GREB1: variants seen among roughly 807,000 people sequenced by gnomAD.
The protein encoded by GREB1 is protein GREB1.
GREB1 carries 106 observed loss-of-function variants against 200.7 expected under a neutral mutation model. That is an observed-to-expected ratio of 0.53 (90% confidence interval 0.45 to 0.62). The LOEUF (loss-of-function observed/expected upper bound fraction) is 0.62. GREB1 is among the 20% of genes least tolerant of loss of function. The pLI is 0.00. For missense variants in GREB1, 2,243 were observed against 2,556.8 expected, an observed-to-expected ratio of 0.88 and a Z score of 2.65; for synonymous variants, 1,132 against 1,092.4, an observed-to-expected ratio of 1.04 and a Z score of -0.72.
Position 11,631,070 on chromosome 2 carries a change from C to T in GREB1, c.4612-839C>T, listed in dbSNP as rs553427995. Among the ~76,000 whole-genome samples, 4 of 152,268 alleles carry T rather than the reference C, an allele frequency of 2.6e-5. No homozygotes were observed. The East Asian group carries it at 7.7e-4, about 29-fold the overall frequency. ...GGGGTTGGGTGTTGCGGTGAAATTCCAGGGGTGAAATATGAGAGCTGGGGT... is the reference window on the plus strand; with the variant it reads ...GGGGTTGGGTGTTGCGGTGAAATTCTAGGGGTGAAATATGAGAGCTGGGGT... On this transcript the variant is annotated intron_variant, in intron 26 of 32. Transcript: ENST00000381486.
At chr2:11,616,806 T>A (rs1169973548) in intron 21 of GREB1, 86 bp downstream of exon 21, 1 of 779,378 alleles carries the variant, frequency 1.3e-6, no homozygotes, top group Non-Finnish European at 2.3e-6. Context: ...AGAGGGCTAT[T>A]TGCTGATCCT....
At chr2:11,504,613 A>G (rs1673129992) in intron 1 of GREB1, among the ~76,000 whole-genome samples, 1 of 152,172 alleles carries the variant, frequency 6.6e-6, no homozygotes, top group African/African-American at 2.4e-5. Flanking sequence ...GACATTTTGC[A>G]TATTTGTGTG....
In GREB1 at chr2:11,490,424, A is replaced by G. The variant is rs116170926; in HGVS notation, c.-159+8043A>G. ...ATATGGCTGAATAATATTCCATTGT[A>G]TGGATATACCACATTTTATTATCCA... On this transcript the variant is annotated intron_variant, in intron 1 of 2. Coordinates refer to the GREB1 transcript ENST00000628795. Among the ~76,000 whole-genome samples the G allele has an allele frequency of 7.1e-3, 1,077 of 152,330 alleles. 5 individuals are homozygous for G. The highest frequency in any genetic ancestry group is 0.011 in the Non-Finnish European group (729 of 68,036).
intron 31 of GREB1, 103 bp downstream of exon 31, chr2:11,638,019 G>T (rs974050753): frequency 3.0e-6 from 3 of 987,150 alleles, no homozygotes; most frequent in Non-Finnish European, 3.1e-6. Context: ...CAACTCCTTC[G>T]TCTCGGGGTT....
chr2:11,630,118 T>C lies in GREB1; in HGVS notation c.4611+9T>C. ...CCCTCGTGACAGACAAGGTACTGGCTCAGAGACCTAGTGGGACAGATCCAA... is the reference window on the plus strand; with the variant it reads ...CCCTCGTGACAGACAAGGTACTGGCCCAGAGACCTAGTGGGACAGATCCAA... On this transcript the variant is annotated intron_variant, in intron 26 of 32. Transcript: ENST00000381486. The C allele has an allele frequency of 6.2e-7, 1 of 1,613,934 alleles. No individual in the cohort carries two copies.
intron 1 of GREB1, among the ~76,000 whole-genome samples, chr2:11,549,781 A>G (rs1370374170): frequency 6.6e-6 from 1 of 152,104 alleles, no homozygotes; most frequent in Non-Finnish European, 1.5e-5. Flanking sequence ...ACTGTGGCAG[A>G]TGTGTTTCCT....
rs141716208 is a variant in GREB1 at position 11,582,236 on chromosome 2, G to C, written c.901+1404G>C. Among the ~76,000 whole-genome samples the C allele has an allele frequency of 6.2e-4, 95 of 152,334 alleles. 1 individual carries two copies. The highest frequency in any genetic ancestry group is 2.2e-3 in the African/African-American group (93 of 41,590). ...TTCAGCCCGGGAACCTGGGAAGGTG[G>C]CCTTGGGAAGCCTTCTGTGTGGGAC... On this transcript the variant is annotated intron_variant, in intron 7 of 32. Transcript: ENST00000381486.
chr2:11,510,400 A>T (rs1439662280), intron 1 of GREB1, among the ~76,000 whole-genome samples: 1 of 152,208 alleles, frequency 6.6e-6, no homozygotes. Flanking sequence ...TTTAGCCACA[A>T]TTGCCAGTCA....
Position 11,598,666 on chromosome 2 carries a change from T to A in GREB1, c.2153-14T>A. On this transcript the variant is annotated splice_polypyrimidine_tract_variant and intron_variant, in intron 14 of 32. Coordinates refer to ENST00000381486, the MANE Select transcript of GREB1 (RefSeq NM_014668.4). ...CATGTTTGCAGTTACTGATGTATGT[T>A]CTTTGTGTTGCAGGGGTTTTGCTGG... 1 of 1,613,304 alleles carries A rather than the reference T, an allele frequency of 6.2e-7. No homozygotes were observed. The highest frequency in any genetic ancestry group is 1.3e-5 in the African/African-American group (1 of 75,028).
rs547221137 is a variant in GREB1, at chr2:11,598,891, C to A, written c.2333+31C>A. 5.1e-6 allele frequency: 8 copies of A among 1,575,018 alleles called. No homozygotes were observed. In the South Asian group the frequency reaches 8.9e-5, roughly 18 times the overall value. On this transcript the variant is annotated intron_variant, in intron 15 of 32. Transcript: ENST00000381486. ...ATTGACTTGATATATGACAAGTTGACATTTTCCTTCTTTGAAGTGATGTAT... is the reference window on the plus strand; with the variant it reads ...ATTGACTTGATATATGACAAGTTGAAATTTTCCTTCTTTGAAGTGATGTAT...
At chr2:11,515,961 C>T (rs961860469) in intron 1 of GREB1, among the ~76,000 whole-genome samples, 10 of 152,214 alleles carry the variant, frequency 6.6e-5, no homozygotes, top group African/African-American at 2.2e-4. Context: ...GCCGCAGAAA[C>T]ACAACCAGAG....
At chr2:11,552,972 T>A (rs527273563) in intron 1 of GREB1, among the ~76,000 whole-genome samples, 2 of 135,072 alleles carry the variant, frequency 1.5e-5, no homozygotes, top group Non-Finnish European at 3.0e-5. Flanking sequence ...ATCGCGCCAC[T>A]GCACTCCAGC....
intron 13 of GREB1, 24 bp downstream of exon 13, chr2:11,596,263 CA>C (rs1268566021): frequency 6.2e-7 from 1 of 1,606,140 alleles, no homozygotes; most frequent in African/African-American, 1.3e-5. Flanking sequence ...AGGAATCTCC[CA>C]GGGTGGAGAG....
intron 1 of GREB1, among the ~76,000 whole-genome samples, chr2:11,528,614 G>C (rs997370728): frequency 1.3e-5 from 2 of 152,088 alleles, no homozygotes; most frequent in African/African-American, 4.8e-5. Flanking sequence ...CAACCCTCCT[G>C]CCTCAGCCTC....
chr2:11,620,144 T>C (rs1454390583), intron 22 of GREB1, among the ~76,000 whole-genome samples: 1 of 152,142 alleles, frequency 6.6e-6, no homozygotes, highest in Non-Finnish European at 1.5e-5. Context: ...GCCCGGCTAA[T>C]TTTTGTATTT....
At position 11,641,564 on chromosome 2, in the gene GREB1, C is replaced by T. The variant is rs1259829026; in HGVS notation, c.*1110C>T. 1 of 152,222 alleles carries T rather than the reference C, an allele frequency of 6.6e-6. No homozygotes were observed. The highest frequency in any genetic ancestry group is 1.5e-5 in the Non-Finnish European group (1 of 68,118). The allele number at this position is 152,222 out of a possible 1,614,324, so 9.4% of individuals were successfully genotyped here. A position where few individuals can be genotyped will look rare whatever the true frequency, so the allele number is the denominator to read the frequency against. On this transcript the variant is annotated 3_prime_UTR_variant, in exon 33 of 33. Coordinates refer to ENST00000381486, the MANE Select transcript of GREB1 (RefSeq NM_014668.4). The stretch of plus-strand genomic sequence containing the variant: ...GCAGTGGTGCGATCTCGGCTCACTG[C>T]AAGCTCCGCCTCCCGGGTTCTCACC...
intron 1 of GREB1, among the ~76,000 whole-genome samples, chr2:11,545,402 G>T: frequency 6.6e-6 from 1 of 152,150 alleles, no homozygotes; most frequent in East Asian, 1.9e-4. Context: ...AAAGTGCTGG[G>T]ACTACAGGCA....
At chr2:11,538,800 CT>C (rs561361897) in intron 1 of GREB1, among the ~76,000 whole-genome samples, 4 of 37,438 alleles carry the variant, frequency 1.1e-4, no homozygotes, top group Non-Finnish European at 3.3e-4. Flanking sequence ...TCCTTCCCTT[CT>C]TTACTTCCTT....
At position 11,585,783 on chromosome 2, in the gene GREB1, T is replaced by C; in HGVS notation, c.1037T>C (p.Val346Ala). The C allele has an allele frequency of 6.2e-7, 1 of 1,613,388 alleles. No homozygotes were observed. The highest frequency in any genetic ancestry group is 8.5e-7 in the Non-Finnish European group (1 of 1,180,024). Reference sequence around the variant, plus strand: ...CTAGAGAGCGCAGGCATGTCCTGCGTGCCGCAGGTTGGCTTGGTGGGACCA... The same window carrying C: ...CTAGAGAGCGCAGGCATGTCCTGCGCGCCGCAGGTTGGCTTGGTGGGACCA... ...AKYESAGMSC[V>A]PQVGLVGPAS... The change falls in exon 9 of 33, where the codon GTG becomes GCG. Residue 346 changes from valine (V) to alanine (A), a missense_variant. By Grantham distance (64) the Val-to-Ala change is moderately conservative. Around this residue, in one of 3 missense-constraint regions of GREB1, gnomAD observed 1,178 missense variants for 1,387.4 expected, o/e 0.85. Coordinates refer to ENST00000381486, the MANE Select transcript of GREB1 (RefSeq NM_014668.4).
Sources: gnomAD v4.1 joint callset for allele counts (sites outside exome capture counted in the v4.1 genomes callset) on GRCh38, gnomAD v4.1.1 for gene constraint, gnomAD v4.1.1 regional missense constraint, MANE v1.5 for transcripts, NCBI Gene and HGNC (gene_info 2026-07-23, HGNC 2026-07-21) for gene names.